Variants in LARP1B observed in about 807,000 individuals in gnomAD.
The protein encoded by LARP1B is La ribonucleoprotein 1B.
LARP1B carries 76 observed loss-of-function variants against 114.2 expected under a neutral mutation model. That is an observed-to-expected ratio of 0.67 (90% CI 0.55 to 0.81). LARP1B has a LOEUF of 0.81. Among genes scored for constraint, LARP1B ranks in the 30% least tolerant of loss-of-function variants. The pLI, the probability that LARP1B is intolerant of heterozygous loss-of-function variation, is 0.00. For missense variants in LARP1B, 1,014 were observed against 1,075.8 expected (o/e 0.94, Z 0.80); for synonymous variants, 345 against 348.0 (o/e 0.99, Z 0.10).
chr4:128,167,792 A>G (rs183738208), intron 12 of LARP1B, among the ~76,000 whole-genome samples: 40 of 152,096 alleles, frequency 2.6e-4, no homozygotes, highest in African/African-American at 9.4e-4. Context: ...TTTGTATTCA[A>G]CCCAGGCCAA....
intron 12 of LARP1B, among the ~76,000 whole-genome samples, chr4:128,163,329 A>G (rs1739335493): frequency 6.6e-6 from 1 of 152,180 alleles, no homozygotes; most frequent in African/African-American, 2.4e-5. Context: ...TTAGTTCAGC[A>G]TAGAGACTTG....
At chr4:128,166,778 CT>C (rs557503782) in intron 12 of LARP1B, among the ~76,000 whole-genome samples, 46 of 147,136 alleles carry the variant, frequency 3.1e-4, no homozygotes, top group African/African-American at 8.5e-4. Flanking sequence ...CATCTATATA[CT>C]TTTTTTTTTA....
In LARP1B at chr4:128,091,521, A is replaced by T. The variant is rs1177160411; in HGVS notation, c.668+9A>T. 13 of 1,592,182 alleles carry T rather than the reference A, an allele frequency of 8.2e-6. No homozygotes were observed. The Admixed American group carries it at 2.3e-4, about 28-fold the overall frequency. ...TATATTAAGCGTCAAATGTAAGTGGATGTTTGATGTAAGCAGACGGGATAG... is the reference window on the plus strand; with the variant it reads ...TATATTAAGCGTCAAATGTAAGTGGTTGTTTGATGTAAGCAGACGGGATAG... On this transcript the variant is annotated intron_variant, in intron 7 of 19. Coordinates refer to ENST00000326639, the MANE Select transcript of LARP1B (RefSeq NM_018078.4).
chr4:128,183,708 T>G (rs1454454624), intron 15 of LARP1B, among the ~76,000 whole-genome samples: 2 of 152,232 alleles, frequency 1.3e-5, no homozygotes, highest in Non-Finnish European at 2.9e-5. Flanking sequence ...AGGCTATAGC[T>G]GCCACAGCTA....
chr4:128,086,161 G>A (rs577100866), intron 5 of LARP1B, among the ~76,000 whole-genome samples: 25 of 151,660 alleles, frequency 1.6e-4, no homozygotes, highest in African/African-American at 5.6e-4. Flanking sequence ...CTGCCAGCAC[G>A]CCCGGCTATT....
At chr4:128,070,068 C>T (rs1478999043) in intron 1 of LARP1B, among the ~76,000 whole-genome samples, 1 of 152,180 alleles carries the variant, frequency 6.6e-6, no homozygotes, top group African/African-American at 2.4e-5. Flanking sequence ...CCCGTAATCC[C>T]AGCACTTTGG....
chr4:128,157,222 A>C (rs1456480064), intron 11 of LARP1B, among the ~76,000 whole-genome samples: 1 of 152,202 alleles, frequency 6.6e-6, no homozygotes, highest in Non-Finnish European at 1.5e-5. Flanking sequence ...AGAAATACAA[A>C]ATATGATAAT....
chr4:128,098,435 C>T, intron 8 of LARP1B, 105 bp downstream of exon 8: 1 of 893,970 alleles, frequency 1.1e-6, no homozygotes, highest in South Asian at 1.9e-5. Flanking sequence ...TCTGTAGTTG[C>T]TTGAGGCTCA....
chr4:128,087,541 C>G (rs1488116405), intron 5 of LARP1B, among the ~76,000 whole-genome samples: 1 of 152,114 alleles, frequency 6.6e-6, no homozygotes, highest in Non-Finnish European at 1.5e-5. Flanking sequence ...AATAATTTCT[C>G]TGTATTTAAT....
At chr4:128,074,904 C>T (rs1322201276) in intron 2 of LARP1B, 30 bp from the exon 3 acceptor site, 12 of 1,465,898 alleles carry the variant, frequency 8.2e-6, no homozygotes, top group Non-Finnish European at 1.1e-5. Context: ...AAAGTAATTT[C>T]AGACCTAACA....
At chr4:128,062,116 G>T (rs1760376114) in intron 1 of LARP1B, 1 of 985,378 alleles carries the variant, frequency 1.0e-6, no homozygotes, top group Non-Finnish European at 1.2e-6. Context: ...GGCAGCCGCC[G>T]CTGCTGCCGC....
intron 12 of LARP1B, among the ~76,000 whole-genome samples, chr4:128,167,236 G>A (rs1741520169): frequency 6.6e-6 from 1 of 151,808 alleles, no homozygotes; most frequent in African/African-American, 2.4e-5. Flanking sequence ...TATATAAGGT[G>A]TACCCAGAAG....
chr4:128,165,119 T>C (rs536289208), intron 12 of LARP1B, among the ~76,000 whole-genome samples: 1 of 152,014 alleles, frequency 6.6e-6, no homozygotes, highest in African/African-American at 2.4e-5. Flanking sequence ...AGGGGAATTA[T>C]TAATATAAAA....
intron 12 of LARP1B, among the ~76,000 whole-genome samples, chr4:128,173,493 A>G (rs1744687785): frequency 6.6e-6 from 1 of 152,216 alleles, no homozygotes; most frequent in South Asian, 2.1e-4. Context: ...TTATTTTTAT[A>G]AAGGCAGTAG....
rs1450157126 is a variant in LARP1B at position 128,219,827 on chromosome 4, AT to A, written n.849-527del. Among the ~76,000 whole-genome samples the A allele has an allele frequency of 3.9e-3, 588 of 151,986 alleles. 6 individuals carry two copies. The highest frequency in any genetic ancestry group is 0.012 in the African/African-American group (495 of 41,502). On this transcript the variant is annotated intron_variant and non_coding_transcript_variant, in intron 6 of 7. Coordinates refer to the LARP1B transcript ENST00000503725. Reference sequence around the variant, plus strand: ...AATAAATAAATAAATAAATAAATAAATAAATGGAATTAGGAAGGGGGTTATG... The same window carrying A: ...AATAAATAAATAAATAAATAAATAAAAAATGGAATTAGGAAGGGGGTTATG...
At chr4:128,096,679 A>C (rs968310371) in intron 7 of LARP1B, among the ~76,000 whole-genome samples, 3 of 148,948 alleles carry the variant, frequency 2.0e-5, no homozygotes, top group East Asian at 2.0e-4. Context: ...TGGCTCACTG[A>C]AAGCTCCGCC....
intron 5 of LARP1B, among the ~76,000 whole-genome samples, chr4:128,088,037 A>G (rs1364311382): frequency 1.3e-5 from 2 of 151,898 alleles, no homozygotes; most frequent in Non-Finnish European, 2.9e-5. Context: ...CAGAACAACA[A>G]TATAATGAGC....
chr4:128,206,107 A>G (rs555699176), intron 17 of LARP1B, among the ~76,000 whole-genome samples: 2 of 152,112 alleles, frequency 1.3e-5, no homozygotes, highest in Non-Finnish European at 2.9e-5. Context: ...CCTGGCCAAC[A>G]TGGTGAAACC....
intron 9 of LARP1B, among the ~76,000 whole-genome samples, chr4:128,113,644 A>G (rs936855702): frequency 1.3e-5 from 2 of 152,060 alleles, no homozygotes; most frequent in African/African-American, 4.8e-5. Flanking sequence ...CCTGGCTGCA[A>G]TTTGAATTTT....
Sources: gnomAD v4.1 joint callset for allele counts (sites outside exome capture counted in the v4.1 genomes callset) on GRCh38, gnomAD v4.1.1 for gene constraint, MANE v1.5 for transcripts, NCBI Gene and HGNC (gene_info 2026-07-23, HGNC 2026-07-21) for gene names.